Variants in WDR41 observed in about 807,000 individuals in gnomAD.
WDR41 encodes WD repeat domain 41.
A neutral mutation model predicts 69.3 loss-of-function variants in WDR41; 63 were observed. The ratio of observed to expected loss-of-function variants is 0.91; its 90% CI spans 0.74 to 1.12. The LOEUF is 1.12. WDR41 is among the 50% of genes most tolerant of loss of function. The probability of loss-of-function intolerance (pLI) is 0.00; values close to 1 mark genes in which losing one functional copy is unlikely to be tolerated. For synonymous variants in WDR41, 185 were observed against 192.1 expected, an observed-to-expected ratio of 0.96 and a Z score of 0.31; for missense variants, 543 against 534.5, an observed-to-expected ratio of 1.02 and a Z score of -0.16.
intron 2 of WDR41, among the ~76,000 whole-genome samples, chr5:77,479,811 A>G (rs971472106): frequency 2.0e-5 from 3 of 152,130 alleles, no homozygotes; most frequent in Admixed American, 1.3e-4. Flanking sequence ...ACAAAAGCCA[A>G]AATTGACAAA....
rs920587760 is a variant in WDR41 at position 77,504,595 on chromosome 5, C to T, written c.43-15023G>A. On this transcript the variant is annotated intron_variant, in intron 1 of 5. Transcript: ENST00000509971. ...AAAAAAGAGAATTTTAGACCAATAT[C>T]CCTGACGAACATCGATGCAAAAATC... Among the ~76,000 whole-genome samples, 5 of 152,210 alleles carry T rather than the reference C, an allele frequency of 3.3e-5. No individual in the cohort carries two copies. The East Asian group carries it at 7.7e-4, about 23-fold the overall frequency.
At chr5:77,444,467 T>C (rs1799297250) in intron 8 of WDR41, among the ~76,000 whole-genome samples, 1 of 152,248 alleles carries the variant, frequency 6.6e-6, no homozygotes, top group Admixed American at 6.5e-5. Context: ...TCAGTTATTT[T>C]TTGTCTGTCT....
intron 2 of WDR41, among the ~76,000 whole-genome samples, chr5:77,484,178 T>C (rs545163277): frequency 1.3e-5 from 2 of 152,290 alleles, no homozygotes; most frequent in South Asian, 4.1e-4. Context: ...CTCACTCCTG[T>C]CATCCTCCCA....
At chr5:77,596,938 C>T (rs1031446935) in intron 1 of WDR41, among the ~76,000 whole-genome samples, 4 of 151,540 alleles carry the variant, frequency 2.6e-5, no homozygotes, top group Admixed American at 1.3e-4. Flanking sequence ...GGCAACATGG[C>T]GAAACCCCAT....
At chr5:77,619,065 A>G (rs1744729383) in intron 1 of WDR41, among the ~76,000 whole-genome samples, 1 of 152,242 alleles carries the variant, frequency 6.6e-6, no homozygotes, top group Non-Finnish European at 1.5e-5. Flanking sequence ...TACTGCTACA[A>G]AATAGAACTC....
chr5:77,439,083 G>C (rs13178111), intron 9 of WDR41, among the ~76,000 whole-genome samples: 18,045 of 152,124 alleles, frequency 0.12, 1,313 homozygotes, highest in South Asian at 0.17. Context: ...GTCAATATTA[G>C]AATCAAGGTC....
intron 8 of WDR41, among the ~76,000 whole-genome samples, chr5:77,448,513 T>C (rs937570952): frequency 6.6e-6 from 1 of 152,162 alleles, no homozygotes; most frequent in Non-Finnish European, 1.5e-5. Context: ...AAATGGAGAC[T>C]AGACTTGGTA....
chr5:77,558,593 T>C (rs1743458720), intron 1 of WDR41, among the ~76,000 whole-genome samples: 1 of 152,234 alleles, frequency 6.6e-6, no homozygotes, highest in Admixed American at 6.5e-5. Flanking sequence ...AGTTTTCCAT[T>C]TGTTTACGCT....
chr5:77,594,905 G>C (rs181207464), intron 1 of WDR41, among the ~76,000 whole-genome samples: 1 of 152,156 alleles, frequency 6.6e-6, no homozygotes, highest in Non-Finnish European at 1.5e-5. Flanking sequence ...CTCCTTCAGA[G>C]CATTAGAAAA....
At chr5:77,570,687 T>C (rs1044038667) in intron 1 of WDR41, among the ~76,000 whole-genome samples, 10 of 151,692 alleles carry the variant, frequency 6.6e-5, no homozygotes, top group Non-Finnish European at 1.2e-4. Context: ...CACTTTCCAT[T>C]CAAATTATCA....
At chr5:77,443,858 C>T (rs1457781331) in intron 8 of WDR41, among the ~76,000 whole-genome samples, 2 of 148,024 alleles carry the variant, frequency 1.4e-5, no homozygotes, top group Non-Finnish European at 3.0e-5. Flanking sequence ...TAAAATACGG[C>T]ATTCAGCTCA....
intron 1 of WDR41, among the ~76,000 whole-genome samples, chr5:77,581,720 A>C (rs1010081954): frequency 6.6e-6 from 1 of 152,212 alleles, no homozygotes; most frequent in African/African-American, 2.4e-5. Flanking sequence ...TCACAAATAC[A>C]TGGAAATAAA....
At chr5:77,573,556 G>A (rs6453324) in intron 1 of WDR41, among the ~76,000 whole-genome samples, 4,143 of 152,162 alleles carry the variant, frequency 0.027, 165 homozygotes, top group African/African-American at 0.091. Context: ...AACTCTTCAT[G>A]GTACCTCCTT....
intron 1 of WDR41, among the ~76,000 whole-genome samples, chr5:77,601,207 C>T (rs1744318442): frequency 6.6e-6 from 1 of 151,620 alleles, no homozygotes; most frequent in Admixed American, 6.6e-5. Context: ...AGTACTATTG[C>T]CTAAAATAGT....
chr5:77,615,568 C>T (rs1474732584), intron 1 of WDR41, among the ~76,000 whole-genome samples: 1 of 151,360 alleles, frequency 6.6e-6, no homozygotes, highest in Non-Finnish European at 1.5e-5. Flanking sequence ...CTATAATAGC[C>T]TCTCATGGTC....
intron 1 of WDR41, among the ~76,000 whole-genome samples, chr5:77,573,254 T>C (rs1189649190): frequency 1.3e-5 from 2 of 151,430 alleles, no homozygotes; most frequent in East Asian, 3.9e-4. Flanking sequence ...AGATTCTCTC[T>C]CTCTCTCTCT....
In WDR41 at chr5:77,436,383, T is replaced by A. The variant is rs756367793; in HGVS notation, c.1105A>T (p.Met369Leu). Residue 369 changes from methionine to leucine, a missense_variant, in exon 12 of 13, where the codon ATG becomes TTG. Met to Leu is a conservative substitution (Grantham distance 15). Coordinates refer to ENST00000296679, the MANE Select transcript of WDR41 (RefSeq NM_018268.4). ...TTGCTGACTCTTCCAAATCCCCACA[T>A]GTTAAAAAAACCTAGAAAAAGAATC... ...AEPVPTGFFNMWGFGRVSKQA... is the reference protein window; with the variant it reads ...AEPVPTGFFNLWGFGRVSKQA... 7 of 1,613,366 alleles carry A rather than the reference T, an allele frequency of 4.3e-6. No homozygotes were observed. Among genetic ancestry groups the A allele is most frequent in the Non-Finnish European group, 5.1e-6 (6 of 1,179,586 alleles).
chr5:77,582,137 A>G (rs1369129847), intron 1 of WDR41, among the ~76,000 whole-genome samples: 2 of 152,206 alleles, frequency 1.3e-5, no homozygotes, highest in African/African-American at 4.8e-5. Flanking sequence ...TACTAGAATC[A>G]GACATGAAAG....
chr5:77,511,099 C>A (rs931164712), intron 1 of WDR41, among the ~76,000 whole-genome samples: 1 of 152,088 alleles, frequency 6.6e-6, no homozygotes, highest in African/African-American at 2.4e-5. Context: ...AAAACTATGT[C>A]CCTATAAATA....
Sources: gnomAD v4.1 joint callset for allele counts (sites outside exome capture counted in the v4.1 genomes callset) on GRCh38, gnomAD v4.1.1 for gene constraint, MANE v1.5 for transcripts, NCBI Gene and HGNC (gene_info 2026-07-23, HGNC 2026-07-21) for gene names.